Variants in TRPV2 observed in about 807,000 individuals in gnomAD.
TRPV2 encodes OTRPC2.
A neutral mutation model predicts 91.0 loss-of-function variants in TRPV2; 58 were observed. The ratio of observed to expected loss-of-function variants is 0.64; its 90% confidence interval spans 0.52 to 0.79. The LOEUF (loss-of-function observed/expected upper bound fraction) is 0.79. Ranked by LOEUF, TRPV2 falls within the 30% of genes least tolerant of loss-of-function variation. TRPV2 has a pLI of 0.00. For synonymous variants in TRPV2, 417 were observed against 414.8 expected (o/e 1.01, Z -0.06); for missense variants, 807 against 969.6 (o/e 0.83, Z 2.23).
intron 2 of TRPV2, chr17:16,419,292 C>T: frequency 4.2e-6 from 2 of 470,748 alleles, no homozygotes; most frequent in Non-Finnish European, 8.8e-6. Flanking sequence ...CTGCTAGATT[C>T]TAGATTCTGA....
At chr17:16,425,079 C>G (rs1018289026) in intron 5 of TRPV2, among the ~76,000 whole-genome samples, 7 of 133,120 alleles carry the variant, frequency 5.3e-5, no homozygotes, top group African/African-American at 1.7e-4. Context: ...GGCTGGAGTA[C>G]AATGGCGCGA....
intron 2 of TRPV2, 54 bp from the exon 3 acceptor site, chr17:16,420,061 T>C: frequency 6.3e-7 from 1 of 1,586,468 alleles, no homozygotes. Context: ...GGAGGGCTTT[T>C]GGGGGGGCCT....
intron 2 of TRPV2, among the ~76,000 whole-genome samples, chr17:16,418,280 T>G (rs2093340773): frequency 6.6e-6 from 1 of 152,218 alleles, no homozygotes; most frequent in East Asian, 1.9e-4. Context: ...TCTGCAAGAC[T>G]GAGCCTGTCA....
Position 16,417,683 on chromosome 17 carries a change from C to T in TRPV2, c.15C>T (p.Ser5=), listed in dbSNP as rs112440901. 85 of 1,614,186 alleles carry T rather than the reference C, an allele frequency of 5.3e-5. No individual in the cohort carries two copies. The highest frequency in any genetic ancestry group is 2.7e-4 in the African/African-American group (20 of 75,060). The part of the protein sequence containing the change: MTSP[S]SSPVFRLETL... Reference sequence around the variant, plus strand: ...CTCCTCCTAGGATGACCTCACCCTCCAGCTCTCCAGTTTTCAGGTTGGAGA... The same window carrying T: ...CTCCTCCTAGGATGACCTCACCCTCTAGCTCTCCAGTTTTCAGGTTGGAGA... Residue 5 remains serine (S), a synonymous_variant, in exon 2 of 15, where the codon TCC becomes TCT. Coordinates refer to ENST00000338560, the MANE Select transcript of TRPV2 (RefSeq NM_016113.5).
In TRPV2 at chr17:16,433,600, G is replaced by T. The variant is rs769682465; in HGVS notation, c.2016G>T (p.Glu672Asp). ...LQKAISVLEM[E>D]NGYWWCRKKQ... ...AAGCCATCTCTGTCCTGGAGATGGAGAATGGCTATTGGTGGTGCAGGAAGA... is the reference window on the plus strand; with the variant it reads ...AAGCCATCTCTGTCCTGGAGATGGATAATGGCTATTGGTGGTGCAGGAAGA... The change falls in exon 13 of 15, where the codon GAG (glutamate) becomes GAT (aspartate). Residue 672 changes from glutamate (E) to aspartate (D), a missense_variant. Glu to Asp is a conservative substitution (Grantham distance 45, BLOSUM62 2). Coordinates refer to ENST00000338560, the MANE Select transcript of TRPV2 (RefSeq NM_016113.5). The T allele has an allele frequency of 4.3e-6, 7 of 1,614,194 alleles. No homozygotes were observed. The highest frequency in any genetic ancestry group is 1.7e-6 in the Non-Finnish European group (2 of 1,180,038).
intron 5 of TRPV2, among the ~76,000 whole-genome samples, chr17:16,425,856 C>G (rs1413438095): frequency 6.6e-6 from 1 of 152,194 alleles, no homozygotes; most frequent in Non-Finnish European, 1.5e-5. Flanking sequence ...AGGAAGGCCA[C>G]AGGGCAGGGG....
At position 16,431,793 on chromosome 17, in the gene TRPV2, C is replaced by A. The variant is rs377020697; in HGVS notation, c.1597C>A (p.Arg533=). The change falls in exon 11 of 15, where the codon CGG becomes AGG. Residue 533 remains arginine (R), a synonymous_variant. Transcript: ENST00000338560. ...YSVMIQKVIL[R]DLLRFLLIYL... is the part of the protein sequence containing the mutation. ...GGCACATGTGTTCCAGGTCATCCTG[C>A]GGGACCTGCTGCGCTTCCTTCTGAT... 8.8e-5 allele frequency: 142 copies of A among 1,613,994 alleles called. No individual in the cohort carries two copies. Among genetic ancestry groups the A allele is most frequent in the Middle Eastern group, 1.6e-4 (1 of 6,082 alleles).
At chr17:16,420,466 C>T (rs2093351658) in intron 3 of TRPV2, among the ~76,000 whole-genome samples, 1 of 152,198 alleles carries the variant, frequency 6.6e-6, no homozygotes, top group South Asian at 2.1e-4. Context: ...CCTCAGGCCT[C>T]CTGGCTACCT....
At chr17:16,422,989 G>A in intron 4 of TRPV2, 100 bp downstream of exon 4, 5 of 1,402,396 alleles carry the variant, frequency 3.6e-6, no homozygotes, top group Non-Finnish European at 4.7e-6. Flanking sequence ...TTAAACCTAG[G>A]TTTTTCTGAC....
intron 2 of TRPV2, among the ~76,000 whole-genome samples, chr17:16,418,752 C>T (rs1306985673): frequency 4.6e-5 from 7 of 152,092 alleles, no homozygotes; most frequent in Non-Finnish European, 1.0e-4. Flanking sequence ...TACCCCAGGA[C>T]CATGATGCCA....
intron 3 of TRPV2, among the ~76,000 whole-genome samples, chr17:16,421,010 A>G (rs1185446304): frequency 6.6e-6 from 1 of 152,198 alleles, no homozygotes; most frequent in East Asian, 1.9e-4. Flanking sequence ...CACTTAATAC[A>G]TCTTGTAGCA....
rs563903640 is a variant in TRPV2 at position 16,421,234 on chromosome 17, G to A, written c.334+986G>A. 8.6e-5 allele frequency among the ~76,000 whole-genome samples: 13 copies of A among 151,728 alleles called. No individual in the cohort carries two copies. In the South Asian group the frequency reaches 1.9e-3, roughly 22 times the overall value. ...ATTCCCCTTTTTTTTTTTGGAGACG[G>A]AGTCTTGCTCTGTTGCCCAGCCTGG... On this transcript the variant is annotated intron_variant, in intron 3 of 14. Coordinates refer to ENST00000338560, the MANE Select transcript of TRPV2 (RefSeq NM_016113.5).
chr17:16,436,359 C>T (rs1025586679), intron 14 of TRPV2, among the ~76,000 whole-genome samples: 1 of 152,212 alleles, frequency 6.6e-6, no homozygotes, highest in Non-Finnish European at 1.5e-5. Flanking sequence ...ACACCTCCAT[C>T]CACATGTCTG....
At chr17:16,420,825 A>G (rs924486507) in intron 3 of TRPV2, among the ~76,000 whole-genome samples, 4 of 152,178 alleles carry the variant, frequency 2.6e-5, no homozygotes, top group African/African-American at 7.2e-5. Flanking sequence ...CATGTTGCCC[A>G]GGCTGGCCTC....
chr17:16,435,963 C>T lies in TRPV2; in HGVS notation c.2195-826C>T, dbSNP rs2143000518. On this transcript the variant is annotated intron_variant, in intron 14 of 14. Transcript: ENST00000338560. The surrounding 1 kb of genome is among the most constrained non-coding windows in gnomAD (Gnocchi z 4.2). ...ATCTTGCCCCAAGCACTCCACACCC[C>T]ACTGCCTGCTGGGGCCTCCAATGTG... Among the ~76,000 whole-genome samples the T allele has an allele frequency of 6.6e-6, 1 of 152,318 alleles. No individual in the cohort carries two copies. The highest frequency in any genetic ancestry group is 3.4e-3 in the Middle Eastern group (1 of 294).
rs1447761592 is a variant in TRPV2, at chr17:16,431,831, C to A, written c.1635C>A (p.Phe545Leu). The A allele has an allele frequency of 3.1e-6, 5 of 1,614,162 alleles. No individual in the cohort carries two copies. The highest frequency in any genetic ancestry group is 4.2e-6 in the Non-Finnish European group (5 of 1,180,026). The change falls in exon 11 of 15, where the codon TTC becomes TTA. Residue 545 changes from phenylalanine to leucine, a missense_variant. By Grantham distance (22) the Phe-to-Leu change is conservative (BLOSUM62 0). Coordinates refer to ENST00000338560, the MANE Select transcript of TRPV2 (RefSeq NM_016113.5). ...LLRFLLIYLV[F>L]LFGFAVALVS... ...GCTTCCTTCTGATCTACTTAGTCTT[C>A]CTTTTCGGCTTCGCTGTAGGTAAAG...
At chr17:16,425,706 A>C (rs1228644156) in intron 5 of TRPV2, among the ~76,000 whole-genome samples, 1 of 151,966 alleles carries the variant, frequency 6.6e-6, no homozygotes, top group Non-Finnish European at 1.5e-5. Flanking sequence ...ACCTGTTTGG[A>C]TTAGGGACCA....
intron 5 of TRPV2, among the ~76,000 whole-genome samples, chr17:16,425,128 G>A (rs1005839254): frequency 6.6e-6 from 1 of 150,548 alleles, no homozygotes; most frequent in African/African-American, 2.4e-5. Context: ...GAGTTCAAGC[G>A]ATTCTCTTGC....
chr17:16,424,482 G>A (rs1055816000), intron 5 of TRPV2, among the ~76,000 whole-genome samples: 1 of 151,902 alleles, frequency 6.6e-6, no homozygotes, highest in Non-Finnish European at 1.5e-5. Flanking sequence ...TTTTAGTAGA[G>A]ATGGGGTTTC....
Sources: gnomAD v4.1 joint callset for allele counts (sites outside exome capture counted in the v4.1 genomes callset) on GRCh38, gnomAD v4.1.1 for gene constraint, Gnocchi (gnomAD v3.1) non-coding constraint, MANE v1.5 for transcripts, NCBI Gene and HGNC (gene_info 2026-07-23, HGNC 2026-07-21) for gene names.